RXRA: variants seen among roughly 807,000 people sequenced by gnomAD.
RXRA encodes the protein retinoic acid receptor RXR-alpha.
A neutral mutation model predicts 44.5 loss-of-function variants in RXRA; 5 were observed. The ratio of observed to expected loss-of-function variants is 0.11; its 90% CI spans 0.06 to 0.24. The LOEUF is 0.24. Among genes scored for constraint, RXRA ranks in the 10% least tolerant of loss-of-function variants. RXRA has a pLI of 1.00. For missense variants in RXRA, 412 were observed against 646.5 expected (o/e 0.64, Z 3.93); for synonymous variants, 291 against 271.4 (o/e 1.07, Z -0.71).
At chr9:134,351,643 A>T (rs544352804) in intron 1 of RXRA, among the ~76,000 whole-genome samples, 1 of 152,150 alleles carries the variant, frequency 6.6e-6, no homozygotes, top group Non-Finnish European at 1.5e-5. Context: ...CGGTTTGAGT[A>T]TTTTTCTTGA....
chr9:134,359,272 G>A (rs541044414), intron 1 of RXRA, among the ~76,000 whole-genome samples: 1 of 152,230 alleles, frequency 6.6e-6, no homozygotes, highest in Admixed American at 6.5e-5. Context: ...GTCCTCAGGC[G>A]TTGGCTGTGA....
chr9:134,402,768 C>G (rs1038471025), intron 2 of RXRA: 21 of 152,340 alleles, frequency 1.4e-4, no homozygotes, highest in African/African-American at 4.8e-4. Flanking sequence ...CCCAGACTCC[C>G]ACTAGGCCCT....
chr9:134,357,541 C>T (rs1156419727), intron 1 of RXRA, among the ~76,000 whole-genome samples: 1 of 151,966 alleles, frequency 6.6e-6, no homozygotes, highest in African/African-American at 2.4e-5. Context: ...GTGGGGGAGT[C>T]GTGGGTGGAG....
chr9:134,381,333 C>A (rs1588276203), intron 1 of RXRA, among the ~76,000 whole-genome samples: 1 of 114,700 alleles, frequency 8.7e-6, no homozygotes, highest in South Asian at 2.5e-4. Context: ...GAGTTGAGCT[C>A]AGACCTTAGC....
At chr9:134,420,263 C>T (rs1206824249) in intron 5 of RXRA, among the ~76,000 whole-genome samples, 1 of 152,228 alleles carries the variant, frequency 6.6e-6, no homozygotes, top group Admixed American at 6.5e-5. Flanking sequence ...CAGCCCCCAG[C>T]GTGACAGAAG....
At chr9:134,394,114 G>A (rs1331906126) in intron 1 of RXRA, among the ~76,000 whole-genome samples, 1 of 604 alleles carries the variant, frequency 1.7e-3, no homozygotes, top group Non-Finnish European at 5.6e-3. Context: ...GACGGTGGTG[G>A]TGGTGGTGAT....
In RXRA at chr9:134,351,832, G is replaced by A. The variant is rs545816202; in HGVS notation, c.28+25173G>A. ...ATCAGAGGCGGGTGTGCGGGGCCTC[G>A]GAGAGATTTATGGAGGCCACGCAGC... On this transcript the variant is annotated intron_variant, in intron 1 of 9. Transcript: ENST00000481739. Among the ~76,000 whole-genome samples the A allele has an allele frequency of 3.3e-3, 510 of 152,350 alleles. 4 individuals are homozygous for A. The highest frequency in any genetic ancestry group is 0.011 in the African/African-American group (478 of 41,584).
chr9:134,364,774 G>A (rs1443475021), intron 1 of RXRA, among the ~76,000 whole-genome samples: 1 of 152,226 alleles, frequency 6.6e-6, no homozygotes, highest in Non-Finnish European at 1.5e-5. Flanking sequence ...TCCATGCTTT[G>A]CCCAGCCTGC....
At chr9:134,329,063 G>A (rs1834961522) in intron 1 of RXRA, among the ~76,000 whole-genome samples, 1 of 152,238 alleles carries the variant, frequency 6.6e-6, no homozygotes, top group Non-Finnish European at 1.5e-5. Flanking sequence ...ATCCTGAATG[G>A]TGGGACTCAG....
intron 1 of RXRA, among the ~76,000 whole-genome samples, chr9:134,400,560 A>G (rs1830943272): frequency 6.6e-6 from 1 of 152,284 alleles, no homozygotes; most frequent in African/African-American, 2.4e-5. Context: ...AGCTCCCGGC[A>G]CTTGCTGCCG....
intron 4 of RXRA, among the ~76,000 whole-genome samples, chr9:134,409,825 C>T (rs1293164363): frequency 6.6e-6 from 1 of 152,222 alleles, no homozygotes; most frequent in Non-Finnish European, 1.5e-5. Context: ...CCATCGGGTC[C>T]CGTGCCCTGG....
At chr9:134,396,004 G>A (rs1042737180) in intron 1 of RXRA, among the ~76,000 whole-genome samples, 25 of 152,178 alleles carry the variant, frequency 1.6e-4, no homozygotes, top group Admixed American at 1.5e-3. Flanking sequence ...GCGGGGAGGC[G>A]GGAAACAGAT....
rs373062233 is a variant in RXRA, at chr9:134,438,983, C to T, written c.*2369C>T. On this transcript the variant is annotated 3_prime_UTR_variant, in exon 10 of 10. Coordinates refer to ENST00000481739, the MANE Select transcript of RXRA (RefSeq NM_002957.6). Reference sequence around the variant, plus strand: ...GGGCACTTCCCGCAGCCTTCCCGTCCCTTTCTCATCGGCCTTGTAGTTGTA... The same window carrying T: ...GGGCACTTCCCGCAGCCTTCCCGTCTCTTTCTCATCGGCCTTGTAGTTGTA... 1 of 152,332 alleles carries T rather than the reference C, an allele frequency of 6.6e-6. No homozygotes were observed. The highest frequency in any genetic ancestry group is 1.9e-4 in the East Asian group (1 of 5,190). 9.4% of individuals were successfully genotyped at this position (152,332 alleles called of 1,614,324 possible). A position where few individuals can be genotyped will look rare whatever the true frequency, so the allele number is the denominator to read the frequency against.
At chr9:134,375,797 A>G (rs1488486344) in intron 1 of RXRA, among the ~76,000 whole-genome samples, 2 of 151,508 alleles carry the variant, frequency 1.3e-5, no homozygotes. Context: ...GCAGGAGAGC[A>G]TTCTCGGTGT....
At chr9:134,405,210 G>T (rs955924199) in intron 2 of RXRA, 1 of 152,290 alleles carries the variant, frequency 6.6e-6, no homozygotes, top group South Asian at 2.1e-4. Flanking sequence ...GCGGAAGAAC[G>T]CCCGCCTGGC....
In RXRA at chr9:134,363,323, C is replaced by G. The variant is rs570263416; in HGVS notation, c.28+36664C>G. ...CGGGCCTCAGAGGTGTCCCCTCACT[C>G]AGGGAGCCTGGCGGTGGGCCCTGTC... On this transcript the variant is annotated intron_variant, in intron 1 of 9. Coordinates refer to ENST00000481739, the MANE Select transcript of RXRA (RefSeq NM_002957.6). Among the ~76,000 whole-genome samples, 524 of 152,368 alleles carry G rather than the reference C, an allele frequency of 3.4e-3. 2 individuals are homozygous for G. Among genetic ancestry groups the G allele is most frequent in the Non-Finnish European group, 5.2e-3 (351 of 68,032 alleles).
intron 1 of RXRA, among the ~76,000 whole-genome samples, chr9:134,328,467 C>T (rs868921447): frequency 6.6e-6 from 1 of 152,094 alleles, no homozygotes; most frequent in African/African-American, 2.4e-5. Flanking sequence ...TGGGCACTCC[C>T]CTGCCACAAG....
At chr9:134,338,161 C>T (rs1266928663) in intron 1 of RXRA, among the ~76,000 whole-genome samples, 1 of 152,170 alleles carries the variant, frequency 6.6e-6, no homozygotes, top group Non-Finnish European at 1.5e-5. Flanking sequence ...GGAGCCCTGA[C>T]AGAAGACAAG....
In RXRA at chr9:134,367,229, C is replaced by T. The variant is rs1202266193; in HGVS notation, c.29-34403C>T. On this transcript the variant is annotated intron_variant, in intron 1 of 9. Transcript: ENST00000481739. ...CCTGACCCCACCAGCCACTCCCCTG[C>T]CTGCCTTCTTTGTGGATCTGCCTGG... Among the ~76,000 whole-genome samples the T allele has an allele frequency of 2.6e-5, 4 of 152,198 alleles. No homozygotes were observed. The East Asian group carries it at 7.7e-4, about 29-fold the overall frequency.
Sources: gnomAD v4.1 joint callset for allele counts (sites outside exome capture counted in the v4.1 genomes callset) on GRCh38, gnomAD v4.1.1 for gene constraint, MANE v1.5 for transcripts, NCBI Gene and HGNC (gene_info 2026-07-23, HGNC 2026-07-21) for gene names.